Variants in JCHAIN observed in about 807,000 individuals in gnomAD.
JCHAIN encodes the protein joining chain of multimeric IgA and IgM.
In JCHAIN, 5 loss-of-function variants were observed where a neutral mutation model predicts 11.1. The ratio of observed to expected loss-of-function variants is 0.45; its 90% CI spans 0.24 to 0.95. The LOEUF is 0.95. Among genes scored for constraint, JCHAIN ranks in the 40% least tolerant of loss-of-function variants. The pLI is 0.21. For missense variants in JCHAIN, 165 were observed against 192.7 expected (o/e 0.86, Z 0.85); for synonymous variants, 51 against 67.8 (o/e 0.75, Z 1.22).
chr4:70,662,958 C>CAA (rs368613232), intron 1 of JCHAIN, among the ~76,000 whole-genome samples: 37 of 125,944 alleles, frequency 2.9e-4, no homozygotes, highest in Middle Eastern at 4.8e-3. Context: ...GACTTCATCT[C>CAA]AAAAAAAAAA....
chr4:70,666,500 A>G lies in JCHAIN; in HGVS notation c.-10T>C, dbSNP rs980058063. ...GCAAATGGTTCTTCATCTTGACTTCACTTCTTCTGAAAAACTGGAGCAAAA... is the reference window on the plus strand; with the variant it reads ...GCAAATGGTTCTTCATCTTGACTTCGCTTCTTCTGAAAAACTGGAGCAAAA... On this transcript the variant is annotated 5_prime_UTR_variant, in exon 1 of 4. Transcript: ENST00000254801. 9 of 1,609,452 alleles carry G rather than the reference A, an allele frequency of 5.6e-6. No individual in the cohort carries two copies. The highest frequency in any genetic ancestry group is 7.7e-6 in the Non-Finnish European group (9 of 1,175,986).
chr4:70,661,558 G>A (rs1045790790), intron 2 of JCHAIN, among the ~76,000 whole-genome samples: 1 of 152,194 alleles, frequency 6.6e-6, no homozygotes, highest in Non-Finnish European at 1.5e-5. Context: ...GGGAGGCCAA[G>A]GCAGGAGGAT....
At chr4:70,663,055 G>A (rs184962568) in intron 1 of JCHAIN, among the ~76,000 whole-genome samples, 212 of 151,806 alleles carry the variant, frequency 1.4e-3, no homozygotes, top group African/African-American at 4.9e-3. Flanking sequence ...ATATTATGAG[G>A]TACAATCTCA....
In JCHAIN at chr4:70,656,174, T is replaced by C; in HGVS notation, c.*155A>G. ...CTAATAAAGATAACAATGTGACTATTTTAATTATTTTGGTGGCAGGGAGTT... is the reference window on the plus strand; with the variant it reads ...CTAATAAAGATAACAATGTGACTATCTTAATTATTTTGGTGGCAGGGAGTT... On this transcript the variant is annotated 3_prime_UTR_variant, in exon 4 of 4. Coordinates refer to ENST00000254801, the MANE Select transcript of JCHAIN (RefSeq NM_144646.4). The C allele has an allele frequency of 6.6e-6, 4 of 608,854 alleles. No homozygotes were observed. The highest frequency in any genetic ancestry group is 1.2e-5 in the Non-Finnish European group (4 of 337,860). 37.7% of individuals were successfully genotyped at this position (608,854 alleles called of 1,614,324 possible). A position where few individuals can be genotyped will look rare whatever the true frequency, so the allele number is the denominator to read the frequency against.
At chr4:70,662,588 C>T (rs1411920681) in intron 1 of JCHAIN, among the ~76,000 whole-genome samples, 3 of 152,120 alleles carry the variant, frequency 2.0e-5, no homozygotes, top group Non-Finnish European at 2.9e-5. Flanking sequence ...TTCTCTACCA[C>T]AATTATCTGC....
chr4:70,664,208 C>T (rs1315132401), intron 1 of JCHAIN: 1 of 151,738 alleles, frequency 6.6e-6, no homozygotes, highest in African/African-American at 2.4e-5. Flanking sequence ...GCTTGGGCAA[C>T]AGAGCGAGAC....
chr4:70,660,556 G>A (rs201589243), intron 2 of JCHAIN, among the ~76,000 whole-genome samples: 2 of 151,978 alleles, frequency 1.3e-5, no homozygotes, highest in Non-Finnish European at 2.9e-5. Flanking sequence ...GATAATTTTT[G>A]TATTTTTAGT....
chr4:70,661,318 T>C (rs1291871868), intron 2 of JCHAIN, among the ~76,000 whole-genome samples: 4 of 152,170 alleles, frequency 2.6e-5, no homozygotes, highest in African/African-American at 7.2e-5. Context: ...ATATCTGAAA[T>C]CCAATCTAAA....
intron 3 of JCHAIN, 62 bp downstream of exon 3, chr4:70,657,149 G>A: frequency 1.2e-6 from 1 of 849,744 alleles, no homozygotes; most frequent in Non-Finnish European, 1.9e-6. Context: ...TTACTAACAA[G>A]GTTAAAATTA....
In JCHAIN at chr4:70,657,215, C is replaced by A; in HGVS notation, c.265G>T (p.Asp89Tyr). 1 of 1,573,342 alleles carries A rather than the reference C, an allele frequency of 6.4e-7. No homozygotes were observed. Among genetic ancestry groups the A allele is most frequent in the South Asian group, 1.1e-5 (1 of 89,658 alleles). ...LRTRFVYHLSDLCKKCDPTEV... is the reference protein window; with the variant it reads ...LRTRFVYHLSYLCKKCDPTEV... ...ATGGAAAAAAATATATCTTACAGGT[C>A]AGACAAATGGTACACAAATCTGGTT... The change falls in exon 3 of 4, where the codon GAC (aspartate) becomes TAC (tyrosine). Residue 89 changes from aspartate to tyrosine, a missense_variant. Asp to Tyr is a radical substitution (Grantham distance 160). Transcript: ENST00000254801.
At chr4:70,662,881 C>T (rs1739088869) in intron 1 of JCHAIN, among the ~76,000 whole-genome samples, 1 of 151,836 alleles carries the variant, frequency 6.6e-6, no homozygotes. Context: ...ATCACTTGAA[C>T]CTGGGAGGTG....
At chr4:70,661,427 A>G (rs1174496290) in intron 2 of JCHAIN, among the ~76,000 whole-genome samples, 2 of 152,212 alleles carry the variant, frequency 1.3e-5, no homozygotes, top group South Asian at 4.1e-4. Flanking sequence ...ATGGTACAAA[A>G]TAAGGCTTTA....
intron 3 of JCHAIN, among the ~76,000 whole-genome samples, chr4:70,656,849 A>G (rs1738959569): frequency 6.6e-6 from 1 of 152,216 alleles, no homozygotes; most frequent in South Asian, 2.1e-4. Flanking sequence ...AGTTATTTAT[A>G]GTGACAAGAA....
chr4:70,661,372 G>A (rs558686199), intron 2 of JCHAIN, among the ~76,000 whole-genome samples: 7 of 152,122 alleles, frequency 4.6e-5, no homozygotes, highest in South Asian at 4.1e-4. Flanking sequence ...GCCTTATCTC[G>A]ATGCAGACAT....
intron 2 of JCHAIN, 91 bp downstream of exon 2, chr4:70,662,001 A>C: frequency 7.9e-7 from 1 of 1,262,516 alleles, no homozygotes; most frequent in East Asian, 2.3e-5. Context: ...AAAGGGGAGT[A>C]AAGAGGCAGG....
chr4:70,657,280 T>G lies in JCHAIN; in HGVS notation c.200A>C (p.Asn67Thr). The change falls in exon 3 of 4, where the codon AAC becomes ACC. Residue 67 changes from asparagine (N) to threonine (T), a missense_variant. Coordinates refer to ENST00000254801, the MANE Select transcript of JCHAIN (RefSeq NM_144646.4). The part of the protein sequence containing the change: ...ERNIRIIVPL[N>T]NRENISDPTS... ...GGGATCAGAGATATTCTCCCTGTTG[T>G]TCAGAGGAACACTAAAAGAAAAGAA... 1 of 1,594,064 alleles carries G rather than the reference T, an allele frequency of 6.3e-7. No homozygotes were observed. Among genetic ancestry groups the G allele is most frequent in the Non-Finnish European group, 8.6e-7 (1 of 1,162,516 alleles).
intron 2 of JCHAIN, among the ~76,000 whole-genome samples, chr4:70,659,194 G>T (rs1739008626): frequency 6.6e-6 from 1 of 152,116 alleles, no homozygotes; most frequent in African/African-American, 2.4e-5. Context: ...TTAGGAAAAA[G>T]GCTAGTTAAG....
At position 70,662,086 on chromosome 4, in the gene JCHAIN, A is replaced by G. The variant is rs1429786851; in HGVS notation, c.188+6T>C. The G allele has an allele frequency of 1.9e-6, 3 of 1,613,376 alleles. No homozygotes were observed. Among genetic ancestry groups the G allele is most frequent in the African/African-American group, 2.7e-5 (2 of 74,900 alleles). ...AGGAAAAAAAGGAATATGGAATGCC[A>G]CATACATAATTCGGATGTTTCTCTC... On this transcript the variant is annotated splice_donor_region_variant and intron_variant, in intron 2 of 3. Transcript: ENST00000254801.
intron 2 of JCHAIN, 38 bp downstream of exon 2, chr4:70,662,054 T>G: frequency 6.2e-7 from 1 of 1,605,560 alleles, no homozygotes; most frequent in African/African-American, 1.3e-5. Context: ...GTATCTCTGC[T>G]TAGAACAGGA....
Sources: allele counts gnomAD v4.1 joint callset (sites outside exome capture counted in the v4.1 genomes callset), GRCh38; gene constraint gnomAD v4.1.1; transcripts MANE v1.5; gene names NCBI Gene and HGNC (gene_info 2026-07-23, HGNC 2026-07-21).